ZFAND3: variants seen among roughly 807,000 people sequenced by gnomAD.
ZFAND3 encodes the protein zinc finger AN1-type containing 3.
A neutral mutation model predicts 29.6 loss-of-function variants in ZFAND3; 10 were observed. The observed-to-expected ratio is 0.34, with a 90% CI of 0.21 to 0.57. ZFAND3 has a LOEUF of 0.57. ZFAND3 is among the 20% of genes least tolerant of loss of function. The pLI is 0.86. For synonymous variants in ZFAND3, 128 were observed against 112.6 expected, an observed-to-expected ratio of 1.14 and a Z score of -0.87; for missense variants, 230 against 304.5, an observed-to-expected ratio of 0.76 and a Z score of 1.82.
chr6:38,080,764 G>GC lies in ZFAND3; in HGVS notation c.296-1626dup, dbSNP rs1015925121. ...TACAGCATTTTATGGAGCTATAGAA[G>GC]CCAGTCCAGGAGGGTTTTTGAGGAT... On this transcript the variant is annotated intron_variant, in intron 3 of 5. Transcript: ENST00000287218. Among the ~76,000 whole-genome samples the GC allele has an allele frequency of 8.9e-4, 136 of 152,146 alleles. 2 individuals are homozygous for GC. The highest frequency in any genetic ancestry group is 3.2e-3 in the African/African-American group (132 of 41,436).
At chr6:37,987,250 C>T (rs1402642754) in intron 2 of ZFAND3, among the ~76,000 whole-genome samples, 2 of 152,056 alleles carry the variant, frequency 1.3e-5, no homozygotes, top group African/African-American at 4.8e-5. Flanking sequence ...TCAGAGGTTG[C>T]GGGTGGTGAT....
intron 2 of ZFAND3, among the ~76,000 whole-genome samples, chr6:37,935,272 A>C (rs754054809): frequency 5.3e-5 from 8 of 152,168 alleles, no homozygotes; most frequent in African/African-American, 9.7e-5. Context: ...AAATCTTTCC[A>C]ATTATCAGAG....
chr6:37,868,032 C>T (rs1764620284), intron 1 of ZFAND3, among the ~76,000 whole-genome samples: 1 of 152,112 alleles, frequency 6.6e-6, no homozygotes, highest in South Asian at 2.1e-4. Context: ...AATGTTGACA[C>T]CTGCTACTTG....
intron 5 of ZFAND3, among the ~76,000 whole-genome samples, chr6:38,124,554 C>T (rs1168976139): frequency 6.6e-6 from 1 of 152,220 alleles, no homozygotes; most frequent in African/African-American, 2.4e-5. Flanking sequence ...GGATCTGGTG[C>T]ACCCTCTGCA....
chr6:38,060,149 T>A (rs1333479220), intron 2 of ZFAND3, among the ~76,000 whole-genome samples: 3 of 152,178 alleles, frequency 2.0e-5, no homozygotes, highest in Non-Finnish European at 4.4e-5. Flanking sequence ...GTATTTAATA[T>A]ACGCTGGTTC....
At chr6:38,031,848 C>T (rs1438391214) in intron 2 of ZFAND3, among the ~76,000 whole-genome samples, 1 of 148,064 alleles carries the variant, frequency 6.8e-6, no homozygotes, top group Non-Finnish European at 1.5e-5. Flanking sequence ...CCCCGCCCCA[C>T]GCTGTCCCAG....
chr6:37,939,412 T>C (rs577819296), intron 2 of ZFAND3, among the ~76,000 whole-genome samples: 6 of 152,302 alleles, frequency 3.9e-5, no homozygotes, highest in Admixed American at 2.6e-4. Context: ...CTAAGGACAG[T>C]TGTCATTGGC....
intron 1 of ZFAND3, among the ~76,000 whole-genome samples, chr6:37,924,671 C>A (rs1761449636): frequency 6.6e-6 from 1 of 151,362 alleles, no homozygotes; most frequent in Non-Finnish European, 1.5e-5. Flanking sequence ...ACCATCTTTA[C>A]AAAAAATAAT....
intron 1 of ZFAND3, among the ~76,000 whole-genome samples, chr6:37,879,865 G>C (rs1193399904): frequency 1.3e-5 from 2 of 152,120 alleles, no homozygotes; most frequent in Admixed American, 1.3e-4. Flanking sequence ...TGTTGGCTTG[G>C]AACTTTTGAA....
At chr6:37,880,980 G>A (rs1371495036) in intron 1 of ZFAND3, among the ~76,000 whole-genome samples, 1 of 148,866 alleles carries the variant, frequency 6.7e-6, no homozygotes, top group African/African-American at 2.5e-5. Flanking sequence ...CCTGCACAAT[G>A]TGCACATGTA....
intron 5 of ZFAND3, among the ~76,000 whole-genome samples, chr6:38,137,203 A>AT (rs1279905477): frequency 6.6e-6 from 1 of 152,216 alleles, no homozygotes; most frequent in African/African-American, 2.4e-5. Context: ...GTAGGCTCCT[A>AT]TGAATAACGG....
intron 2 of ZFAND3, among the ~76,000 whole-genome samples, chr6:38,022,208 C>G (rs994184185): frequency 2.0e-5 from 3 of 152,198 alleles, no homozygotes; most frequent in Admixed American, 1.3e-4. Context: ...TTTGAATGCA[C>G]ATTAAAATTT....
At chr6:37,965,270 A>G (rs1011463373) in intron 2 of ZFAND3, among the ~76,000 whole-genome samples, 1 of 152,198 alleles carries the variant, frequency 6.6e-6, no homozygotes, top group East Asian at 1.9e-4. Flanking sequence ...CTACTTATTG[A>G]CCAGTTACTG....
At chr6:37,980,361 C>T (rs1197294091) in intron 2 of ZFAND3, among the ~76,000 whole-genome samples, 1 of 152,138 alleles carries the variant, frequency 6.6e-6, no homozygotes, top group Non-Finnish European at 1.5e-5. Flanking sequence ...AAAGATTTCC[C>T]TATTTGGCCT....
At chr6:37,848,808 T>A (rs151028718) in intron 1 of ZFAND3, among the ~76,000 whole-genome samples, 285 of 152,324 alleles carry the variant, frequency 1.9e-3, no homozygotes, top group Non-Finnish European at 3.4e-3. Context: ...TTTTTAACAA[T>A]GTTTGGTGTC....
intron 2 of ZFAND3, among the ~76,000 whole-genome samples, chr6:38,024,466 G>A (rs548376412): frequency 2.9e-4 from 35 of 121,530 alleles, no homozygotes; most frequent in African/African-American, 1.0e-3. Context: ...GCGAGACTCC[G>A]TCTCAAAAAA....
chr6:37,970,501 C>G (rs1387598071), intron 2 of ZFAND3, among the ~76,000 whole-genome samples: 1 of 152,140 alleles, frequency 6.6e-6, no homozygotes, highest in Admixed American at 6.5e-5. Context: ...ACCTGGTGTC[C>G]TAGCACTAAG....
At chr6:37,901,829 A>C (rs1165215812) in intron 1 of ZFAND3, among the ~76,000 whole-genome samples, 3 of 152,152 alleles carry the variant, frequency 2.0e-5, no homozygotes, top group African/African-American at 7.2e-5. Context: ...TCTCTCACAA[A>C]AGCTGAAGGG....
At chr6:37,889,617 G>A (rs1163242788) in intron 1 of ZFAND3, among the ~76,000 whole-genome samples, 2 of 152,178 alleles carry the variant, frequency 1.3e-5, no homozygotes, top group Non-Finnish European at 2.9e-5. Flanking sequence ...ATAAGAAAAT[G>A]GTAAATGCAT....
Sources: allele counts gnomAD v4.1 joint callset (sites outside exome capture counted in the v4.1 genomes callset), GRCh38; gene constraint gnomAD v4.1.1; transcripts MANE v1.5; gene names NCBI Gene and HGNC (gene_info 2026-07-23, HGNC 2026-07-21).